Variants in KCNG3 observed in about 807,000 individuals in gnomAD.
KCNG3 encodes potassium voltage-gated channel modifier subfamily G member 3.
KCNG3 carries 15 observed loss-of-function variants against 29.0 expected under a neutral mutation model. The ratio of observed to expected loss-of-function variants is 0.52; its 90% CI spans 0.35 to 0.80. KCNG3 has a LOEUF of 0.80. KCNG3 is among the 30% of genes least tolerant of loss of function. The probability of loss-of-function intolerance (pLI) is 0.01; values close to 1 mark genes in which losing one functional copy is unlikely to be tolerated. For missense variants in KCNG3, 512 were observed against 605.7 expected (o/e 0.85, Z 1.62); for synonymous variants, 322 against 248.9 (o/e 1.29, Z -2.76).
rs1427402470 is a variant in KCNG3 at position 42,443,626 on chromosome 2, C to G, written c.*308G>C. On this transcript the variant is annotated 3_prime_UTR_variant, in exon 2 of 2. Transcript: ENST00000306078. ...AAAACATTTGGAAAATAGTACCTTT[C>G]TGTTTTAAAATGTTCAAATAATGTA... is the stretch of plus-strand genomic sequence containing the variant. 2.6e-5 allele frequency: 6 copies of G among 227,184 alleles called. No homozygotes were observed. Among genetic ancestry groups the G allele is most frequent in the African/African-American group, 1.1e-4 (5 of 44,268 alleles). 14.1% of individuals were successfully genotyped at this position (227,184 alleles called of 1,614,324 possible). A position where few individuals can be genotyped will look rare whatever the true frequency, so the allele number is the denominator to read the frequency against.
chr2:42,411,703 G>A, the KCNG3 span, among the ~76,000 whole-genome samples: 3 of 152,072 alleles, frequency 2.0e-5, no homozygotes, highest in Non-Finnish European at 2.9e-5. Flanking sequence ...GGCTGGTCTC[G>A]AACTCCTGGC....
intron 1 of KCNG3, among the ~76,000 whole-genome samples, chr2:42,469,380 G>A (rs1439634205): frequency 6.8e-6 from 1 of 147,516 alleles, no homozygotes; most frequent in African/African-American, 2.5e-5. Context: ...TCAGGCCATT[G>A]CACACGAGCC....
chr2:42,474,028 T>G (rs1046589284), intron 1 of KCNG3, among the ~76,000 whole-genome samples: 1 of 151,742 alleles, frequency 6.6e-6, no homozygotes, highest in Non-Finnish European at 1.5e-5. Flanking sequence ...GGTACACACC[T>G]GCAGTCCCAG....
intron 1 of KCNG3, among the ~76,000 whole-genome samples, chr2:42,477,049 G>A (rs1259208076): frequency 3.3e-5 from 5 of 150,368 alleles, no homozygotes; most frequent in East Asian, 4.1e-4. Context: ...AAAATTAGCC[G>A]GGCGTGGTGG....
the KCNG3 span, among the ~76,000 whole-genome samples, chr2:42,432,600 G>C: frequency 6.6e-6 from 1 of 152,140 alleles, no homozygotes. Context: ...GTAAAAAAGA[G>C]GTATTACAAT....
At chr2:42,486,209 G>A (rs1175213815) in intron 1 of KCNG3, among the ~76,000 whole-genome samples, 2 of 152,172 alleles carry the variant, frequency 1.3e-5, no homozygotes, top group Non-Finnish European at 2.9e-5. Context: ...GTGGGCCCTA[G>A]CACAGCTTCA....
chr2:42,430,352 A>G, the KCNG3 span, among the ~76,000 whole-genome samples: 20 of 148,336 alleles, frequency 1.3e-4, no homozygotes, highest in African/African-American at 4.5e-4. Flanking sequence ...TGGGCAACAC[A>G]GACTGTCTTA....
chr2:42,464,754 T>G (rs1172291014), intron 1 of KCNG3, among the ~76,000 whole-genome samples: 2 of 152,134 alleles, frequency 1.3e-5, no homozygotes. Context: ...AGGGAATCCT[T>G]ATCTTAGGTC....
At chr2:42,417,178 G>C in the KCNG3 span, among the ~76,000 whole-genome samples, 7 of 152,290 alleles carry the variant, frequency 4.6e-5, no homozygotes, top group South Asian at 1.5e-3. Flanking sequence ...GGGCAGTGGA[G>C]GTTGCAGTGA....
At chr2:42,393,752 C>A in the KCNG3 span, among the ~76,000 whole-genome samples, 2 of 151,934 alleles carry the variant, frequency 1.3e-5, no homozygotes, top group African/African-American at 4.8e-5. Flanking sequence ...GCAGATGGGC[C>A]AAAAGAGGTT....
chr2:42,462,922 TCCC>T (rs1193081778), intron 1 of KCNG3, among the ~76,000 whole-genome samples: 3 of 151,824 alleles, frequency 2.0e-5, no homozygotes, highest in Non-Finnish European at 2.9e-5. Flanking sequence ...GCTACCAAAT[TCCC>T]CCCAAGTCTA....
At chr2:42,464,195 C>G (rs1160905130) in intron 1 of KCNG3, among the ~76,000 whole-genome samples, 1 of 152,198 alleles carries the variant, frequency 6.6e-6, no homozygotes, top group Non-Finnish European at 1.5e-5. Flanking sequence ...CTACTGTGTA[C>G]TAGGTACTCA....
At position 42,492,938 on chromosome 2, in the gene KCNG3, C is replaced by A. The variant is rs1178171479; in HGVS notation, c.564G>T (p.Leu188=). 1.9e-6 allele frequency: 3 copies of A among 1,589,408 alleles called. No homozygotes were observed. The South Asian group carries it at 3.4e-5, about 18-fold the overall frequency. Residue 188 remains leucine, a synonymous_variant, in exon 1 of 2, where the codon CTG becomes CTT. Transcript: ENST00000306078. The stretch of plus-strand genomic sequence containing the variant: ...GCCAGTCGGGCAACGTGCTGGCGCA[C>A]AGCACCACCATGGACACGATCACGA... ...VVFVIVSMVV[L]CASTLPDWRN...
At chr2:42,447,894 G>C (rs1019562592) in intron 1 of KCNG3, among the ~76,000 whole-genome samples, 1 of 152,100 alleles carries the variant, frequency 6.6e-6, no homozygotes, top group Non-Finnish European at 1.5e-5. Context: ...ATAAATCTGA[G>C]ACTTGGAATT....
At chr2:42,452,902 A>C (rs560729024) in intron 1 of KCNG3, among the ~76,000 whole-genome samples, 235 of 152,170 alleles carry the variant, frequency 1.5e-3, no homozygotes, top group African/African-American at 5.4e-3. Context: ...CTGCCTCAGC[A>C]TCTTGAGCAG....
the KCNG3 span, among the ~76,000 whole-genome samples, chr2:42,420,941 T>G: frequency 6.6e-6 from 1 of 152,196 alleles, no homozygotes; most frequent in Non-Finnish European, 1.5e-5. Flanking sequence ...CCAGGTTGTA[T>G]CCTTAGCCCA....
intron 1 of KCNG3, among the ~76,000 whole-genome samples, chr2:42,491,450 T>C (rs1673875154): frequency 6.6e-6 from 1 of 152,142 alleles, no homozygotes; most frequent in African/African-American, 2.4e-5. Flanking sequence ...CTTAGAATTC[T>C]ACAGTTACTG....
At chr2:42,409,176 C>T in the KCNG3 span, among the ~76,000 whole-genome samples, 6 of 152,042 alleles carry the variant, frequency 3.9e-5, no homozygotes, top group Non-Finnish European at 8.8e-5. Context: ...CCAAATGCAG[C>T]CTGCCAGGCC....
chr2:42,407,045 ACACTT>A, the KCNG3 span, among the ~76,000 whole-genome samples: 1 of 152,060 alleles, frequency 6.6e-6, no homozygotes, highest in African/African-American at 2.4e-5. Context: ...AAAACACAAA[ACACTT>A]CACATCATGC....
Sources: allele counts gnomAD v4.1 joint callset (sites outside exome capture counted in the v4.1 genomes callset), GRCh38; gene constraint gnomAD v4.1.1; transcripts MANE v1.5; gene names NCBI Gene and HGNC (gene_info 2026-07-23, HGNC 2026-07-21).